The following AGO3 variants were observed in gnomAD, a reference collection of about 807,000 sequenced individuals.
AGO3 encodes the protein argonaute RISC catalytic component 3, also known as protein argonaute-3.
AGO3 carries 16 observed loss-of-function variants against 105.5 expected under a neutral mutation model. The observed-to-expected ratio is 0.15, with a 90% CI of 0.10 to 0.23. AGO3 has a LOEUF of 0.23. Among genes scored for constraint, AGO3 ranks in the 10% least tolerant of loss-of-function variants. AGO3 has a pLI of 1.00. For missense variants in AGO3, 534 were observed against 1,088.0 expected (o/e 0.49, Z 7.16); for synonymous variants, 340 against 367.3 (o/e 0.93, Z 0.85).
chr1:35,950,480 C>T (rs980407954), intron 2 of AGO3, among the ~76,000 whole-genome samples: 1 of 152,160 alleles, frequency 6.6e-6, no homozygotes, highest in African/African-American at 2.4e-5. Flanking sequence ...GTCAACCTTT[C>T]TACAAATTTA....
chr1:36,009,189 T>C (rs774088031), intron 8 of AGO3, 145 bp downstream of exon 8: 4 of 1,136,398 alleles, frequency 3.5e-6, no homozygotes, highest in Middle Eastern at 2.9e-4. Context: ...TTTTCTGTAA[T>C]GAAATAACAC....
At chr1:35,978,186 C>T (rs1020060544) in intron 5 of AGO3, among the ~76,000 whole-genome samples, 8 of 152,000 alleles carry the variant, frequency 5.3e-5, no homozygotes, top group African/African-American at 1.9e-4. Context: ...ATGTAAGGTA[C>T]CCAAATTTCT....
Position 36,033,888 on chromosome 1 carries a change from T to A in AGO3, c.1592-286T>A, listed in dbSNP as rs543253873. Reference sequence around the variant, plus strand: ...GATAACAAGGGATTATGTGCATGTTTCACTTTATGCTTTTCAGTTATTGCA... The same window carrying A: ...GATAACAAGGGATTATGTGCATGTTACACTTTATGCTTTTCAGTTATTGCA... On this transcript the variant is annotated intron_variant, in intron 12 of 18. Coordinates refer to ENST00000373191, the MANE Select transcript of AGO3 (RefSeq NM_024852.4). 2.6e-5 allele frequency among the ~76,000 whole-genome samples: 4 copies of A among 152,334 alleles called. No individual in the cohort carries two copies. In the South Asian group the frequency reaches 8.3e-4, roughly 32 times the overall value.
At position 36,045,229 on chromosome 1, in the gene AGO3, A is replaced by AT. The variant is rs869214688; in HGVS notation, c.2274+1693dup. ...GCCAGAAAAACAGATAAACAACTAC[A>AT]TTTTTTTTTTTTAACGGAGTCTCAC... On this transcript the variant is annotated intron_variant, in intron 17 of 18. Coordinates refer to ENST00000373191, the MANE Select transcript of AGO3 (RefSeq NM_024852.4). Among the ~76,000 whole-genome samples, 134 of 145,564 alleles carry AT rather than the reference A, an allele frequency of 9.2e-4. 1 individual carries two copies. The highest frequency in any genetic ancestry group is 1.9e-3 in the African/African-American group (77 of 40,012).
intron 6 of AGO3, among the ~76,000 whole-genome samples, chr1:36,004,939 C>T (rs1220615617): frequency 6.6e-6 from 1 of 151,858 alleles, no homozygotes; most frequent in Non-Finnish European, 1.5e-5. Context: ...ATGTGTTGTT[C>T]TAGAATTATA....
intron 17 of AGO3, among the ~76,000 whole-genome samples, chr1:36,044,666 T>G (rs1174201646): frequency 6.6e-6 from 1 of 152,178 alleles, no homozygotes; most frequent in Admixed American, 6.5e-5. Flanking sequence ...GGTCTCAAAC[T>G]CCTGACCTCA....
Position 36,060,847 on chromosome 1 carries a change from A to G in AGO3, c.*5102A>G, listed in dbSNP as rs1371683431. 6.6e-6 allele frequency: 1 copy of G among 152,216 alleles called. No individual in the cohort carries two copies. The highest frequency in any genetic ancestry group is 2.4e-5 in the African/African-American group (1 of 41,460). The allele number at this position is 152,216 out of a possible 1,614,324, so 9.4% of individuals were successfully genotyped here. A position where few individuals can be genotyped will look rare whatever the true frequency, so the allele number is the denominator to read the frequency against. On this transcript the variant is annotated 3_prime_UTR_variant, in exon 19 of 19. Coordinates refer to ENST00000373191, the MANE Select transcript of AGO3 (RefSeq NM_024852.4). ...ATTTTCATTCTTTTTGAGAATTCAT[A>G]AATGTCTTAAAGCTTCAGTAAGAAT...
intron 5 of AGO3, among the ~76,000 whole-genome samples, chr1:35,981,250 T>G (rs960090553): frequency 6.6e-6 from 1 of 152,214 alleles, no homozygotes; most frequent in Non-Finnish European, 1.5e-5. Context: ...GTATGTATAC[T>G]TACCACTTTT....
chr1:36,039,333 A>C (rs552218817), intron 14 of AGO3, among the ~76,000 whole-genome samples: 2 of 151,930 alleles, frequency 1.3e-5, no homozygotes, highest in African/African-American at 4.8e-5. Flanking sequence ...ATCTCTACTA[A>C]AAATACAAAA....
chr1:35,950,912 T>A (rs1372192117), intron 2 of AGO3, among the ~76,000 whole-genome samples: 1 of 152,176 alleles, frequency 6.6e-6, no homozygotes, highest in Non-Finnish European at 1.5e-5. Flanking sequence ...TGAATAAAAA[T>A]TTGAAGGAAT....
At chr1:35,955,833 G>A (rs892302425) in intron 2 of AGO3, among the ~76,000 whole-genome samples, 2 of 152,032 alleles carry the variant, frequency 1.3e-5, no homozygotes, top group Admixed American at 6.6e-5. Flanking sequence ...TGTCTCAAGC[G>A]ATCTGCCCAC....
Position 36,027,640 on chromosome 1 carries a change from G to A in AGO3, c.1591+342G>A, listed in dbSNP as rs192014997. Among the ~76,000 whole-genome samples the A allele has an allele frequency of 7.0e-3, 1,067 of 152,126 alleles. 11 individuals carry two copies. Among genetic ancestry groups the A allele is most frequent in the African/African-American group, 0.024 (1,010 of 41,498 alleles). The stretch of plus-strand genomic sequence containing the variant: ...TAAAAATACAAAAAATTAGCTGGGC[G>A]TGGTGGTGGGCGCCTGTGGTCCCAG... On this transcript the variant is annotated intron_variant, in intron 12 of 18. Transcript: ENST00000373191. The surrounding 1 kb of genome is among the most constrained non-coding windows in gnomAD (Gnocchi z 4.0).
At chr1:36,009,265 C>T in intron 8 of AGO3, 1 of 806,082 alleles carries the variant, frequency 1.2e-6, no homozygotes, top group East Asian at 3.0e-5. Context: ...GTATACTATA[C>T]TTCTTTCAGT....
intron 2 of AGO3, among the ~76,000 whole-genome samples, chr1:35,955,567 AT>A (rs1646549358): frequency 6.6e-6 from 1 of 152,120 alleles, no homozygotes. Context: ...CTGAAAATGA[AT>A]GAACGAGAGG....
chr1:36,016,723 C>CTTTTAGGA (rs1373173089), intron 11 of AGO3, among the ~76,000 whole-genome samples: 1 of 152,088 alleles, frequency 6.6e-6, no homozygotes, highest in African/African-American at 2.4e-5. Flanking sequence ...CTTCAGGTTA[C>CTTTTAGGA]TTTTTCCTAA....
At position 35,931,783 on chromosome 1, in the gene AGO3, T is replaced by A. The variant is rs1167628237; in HGVS notation, c.19+338T>A. ...GAGTGCGTGTCCTTTAGCCAGGTTGTGTGTTCCGTAGAGGCTGGGCAGCCA... is the reference window on the plus strand; with the variant it reads ...GAGTGCGTGTCCTTTAGCCAGGTTGAGTGTTCCGTAGAGGCTGGGCAGCCA... On this transcript the variant is annotated intron_variant, in intron 1 of 18. Transcript: ENST00000373191. 2.0e-5 allele frequency among the ~76,000 whole-genome samples: 3 copies of A among 152,266 alleles called. No individual in the cohort carries two copies. The East Asian group carries it at 5.8e-4, about 29-fold the overall frequency.
At chr1:36,014,685 G>T (rs1312380556) in intron 11 of AGO3, among the ~76,000 whole-genome samples, 1 of 150,992 alleles carries the variant, frequency 6.6e-6, no homozygotes, top group Non-Finnish European at 1.5e-5. Flanking sequence ...GCAAGAGAAT[G>T]GCATGAACCC....
chr1:36,029,560 A>C (rs1301318507), intron 12 of AGO3, among the ~76,000 whole-genome samples: 2 of 151,430 alleles, frequency 1.3e-5, no homozygotes, highest in African/African-American at 4.9e-5. Context: ...ATGTCCAGCT[A>C]ATTTTTTTGT....
Position 36,027,400 on chromosome 1 carries a change from ATG to A in AGO3, c.1591+103_1591+104del. 9.0e-7 allele frequency: 1 copy of A among 1,117,058 alleles called. No homozygotes were observed. Among genetic ancestry groups the A allele is most frequent in the African/African-American group, 1.6e-5 (1 of 63,740 alleles). 69.2% of individuals were successfully genotyped at this position (1,117,058 alleles called of 1,614,324 possible). The stretch of plus-strand genomic sequence containing the variant: ...ACTTTCAAATATTAAAATATATTTT[ATG>A]ATACAGTATTTAAAACCATGTATTA... On this transcript the variant is annotated intron_variant, in intron 12 of 18. Coordinates refer to ENST00000373191, the MANE Select transcript of AGO3 (RefSeq NM_024852.4). The surrounding 1 kb of genome is among the most constrained non-coding windows in gnomAD (Gnocchi z 4.0).
Sources: gnomAD v4.1 joint callset for allele counts (sites outside exome capture counted in the v4.1 genomes callset) on GRCh38, gnomAD v4.1.1 for gene constraint, Gnocchi (gnomAD v3.1) non-coding constraint, MANE v1.5 for transcripts, NCBI Gene and HGNC (gene_info 2026-07-23, HGNC 2026-07-21) for gene names.